SELENOI: variants seen among roughly 807,000 people sequenced by gnomAD.
SELENOI encodes the protein ethanolaminephosphotransferase 1.
Under a neutral mutation model 50.7 loss-of-function variants are expected in SELENOI, and 24 were observed. The observed-to-expected ratio is 0.47, with a 90% CI of 0.34 to 0.67. The LOEUF (loss-of-function observed/expected upper bound fraction) is 0.67. SELENOI is among the 30% of genes least tolerant of loss of function. The pLI, the probability that SELENOI is intolerant of heterozygous loss-of-function variation, is 0.01. For synonymous variants in SELENOI, 155 were observed against 170.2 expected (o/e 0.91, Z 0.70); for missense variants, 352 against 461.4 (o/e 0.76, Z 2.17).
In SELENOI at chr2:26,367,173, G is replaced by C; in HGVS notation, c.263G>C (p.Trp88Ser). The C allele has an allele frequency of 6.2e-7, 1 of 1,611,066 alleles. No individual in the cohort carries two copies. Among genetic ancestry groups the C allele is most frequent in the South Asian group, 1.1e-5 (1 of 90,228 alleles). ...CCAGGTCACAAGCACGTGCCTGACT[G>C]GGTTTGGATTGTAGTGGGCATCCTC... is the stretch of plus-strand genomic sequence containing the variant. Reference protein sequence around the residue: ...SAPGHKHVPDWVWIVVGILNF... With the variant: ...SAPGHKHVPDSVWIVVGILNF... Residue 88 changes from tryptophan (W) to serine (S), a missense_variant, in exon 4 of 10, where the codon TGG (tryptophan) becomes TCG (serine). Trp to Ser is a radical substitution (Grantham distance 177). Transcript: ENST00000260585.
chr2:26,347,267 C>A (rs1419248599), intron 1 of SELENOI, among the ~76,000 whole-genome samples: 1 of 152,210 alleles, frequency 6.6e-6, no homozygotes, highest in Non-Finnish European at 1.5e-5. Flanking sequence ...TATGGAATTG[C>A]TGCTTTAGCG....
intron 4 of SELENOI, among the ~76,000 whole-genome samples, chr2:26,369,582 C>A (rs548467128): frequency 4.2e-4 from 64 of 152,294 alleles, no homozygotes; most frequent in Admixed American, 2.0e-3. Flanking sequence ...TACTGCATTT[C>A]ATCTCAGGCC....
chr2:26,387,215 A>G (rs1677860822), intron 9 of SELENOI, among the ~76,000 whole-genome samples: 2 of 152,244 alleles, frequency 1.3e-5, no homozygotes, highest in African/African-American at 2.4e-5. Flanking sequence ...ATGGACGAAT[A>G]TAGATATAAT....
chr2:26,348,536 G>A (rs907816620), intron 1 of SELENOI, among the ~76,000 whole-genome samples: 10 of 152,214 alleles, frequency 6.6e-5, no homozygotes, highest in African/African-American at 2.4e-4. Flanking sequence ...TTTTGGTATG[G>A]AAGAGCGTGG....
rs1205753385 is a variant in SELENOI, at chr2:26,391,784, T to C, written c.*2681T>C. On this transcript the variant is annotated 3_prime_UTR_variant, in exon 10 of 10. Transcript: ENST00000260585. ...TTGAGGGGGGCATGGGATAAAAAGATTTAATAATACCTGGATAGAGAATGC... is the reference window on the plus strand; with the variant it reads ...TTGAGGGGGGCATGGGATAAAAAGACTTAATAATACCTGGATAGAGAATGC... The C allele has an allele frequency of 6.6e-6, 1 of 152,210 alleles. No homozygotes were observed. The highest frequency in any genetic ancestry group is 1.9e-4 in the East Asian group (1 of 5,202). 9.4% of individuals were successfully genotyped at this position (152,210 alleles called of 1,614,324 possible).
At chr2:26,384,869 G>A in intron 7 of SELENOI, 90 bp from the exon 8 acceptor site, 1 of 863,492 alleles carries the variant, frequency 1.2e-6, no homozygotes. Context: ...TAAAATAAGT[G>A]TATAAATAAG....
At chr2:26,358,173 CGGG>C (rs1240847952) in intron 1 of SELENOI, among the ~76,000 whole-genome samples, 7 of 152,126 alleles carry the variant, frequency 4.6e-5, no homozygotes, top group Non-Finnish European at 1.0e-4. Context: ...GAGCCCAAGA[CGGG>C]AGGATCTCTT....
At chr2:26,348,277 T>G (rs1380975096) in intron 1 of SELENOI, among the ~76,000 whole-genome samples, 1 of 152,268 alleles carries the variant, frequency 6.6e-6, no homozygotes, top group East Asian at 1.9e-4. Context: ...GGGTAAAGAT[T>G]GAAAACACTC....
intron 6 of SELENOI, among the ~76,000 whole-genome samples, chr2:26,376,237 G>A (rs1464860839): frequency 2.0e-5 from 3 of 152,174 alleles, no homozygotes; most frequent in Non-Finnish European, 4.4e-5. Context: ...AGTGGTTTGG[G>A]CTTTTTTCTG....
At chr2:26,387,688 C>T (rs1677875006) in intron 9 of SELENOI, among the ~76,000 whole-genome samples, 3 of 83,190 alleles carry the variant, frequency 3.6e-5, no homozygotes, top group South Asian at 1.1e-3. Context: ...AAAGTGAGAC[C>T]CTGTCTCAAA....
chr2:26,364,472 A>AT lies in SELENOI; in HGVS notation c.126+105dup, dbSNP rs1478081386. On this transcript the variant is annotated intron_variant, in intron 2 of 9. Transcript: ENST00000260585. ...AATGCAACTCTCAGTTTCATAAGAT[A>AT]TTTAGAGAAACCACCCTTCCCCAAT... is the stretch of plus-strand genomic sequence containing the variant. The AT allele has an allele frequency of 1.0e-5, 8 of 762,438 alleles. No homozygotes were observed. In the Admixed American group the frequency reaches 1.9e-4, roughly 18 times the overall value. The allele number at this position is 762,438 out of a possible 1,614,324, so 47.2% of individuals were successfully genotyped here.
At chr2:26,349,526 G>A (rs559368670) in intron 1 of SELENOI, among the ~76,000 whole-genome samples, 4 of 151,988 alleles carry the variant, frequency 2.6e-5, no homozygotes, top group South Asian at 2.1e-4. Flanking sequence ...GGCTGGTCTC[G>A]AACTCCTGAC....
intron 8 of SELENOI, among the ~76,000 whole-genome samples, chr2:26,385,985 G>A (rs1445834770): frequency 6.6e-6 from 1 of 152,132 alleles, no homozygotes; most frequent in African/African-American, 2.4e-5. Flanking sequence ...TTGCCATAAA[G>A]AAACTTAATT....
At chr2:26,374,498 A>G (rs1402903799) in intron 5 of SELENOI, among the ~76,000 whole-genome samples, 1 of 152,186 alleles carries the variant, frequency 6.6e-6, no homozygotes. Context: ...AAGTGCTCCA[A>G]ATGATGGCCA....
rs1357835750 is a variant in SELENOI at position 26,348,027 on chromosome 2, T to TG, written c.57+1742dup. ...CATTTTAGTTATAATGAGGCTTCCT[T>TG]GGGGAAAAAAAAGCACACATTTATA... is the stretch of plus-strand genomic sequence containing the variant. On this transcript the variant is annotated intron_variant, in intron 1 of 9. Coordinates refer to ENST00000260585, the MANE Select transcript of SELENOI (RefSeq NM_033505.4). Among the ~76,000 whole-genome samples, 10 of 152,240 alleles carry TG rather than the reference T, an allele frequency of 6.6e-5. No homozygotes were observed. In the South Asian group the frequency reaches 2.1e-3, roughly 32 times the overall value.
intron 8 of SELENOI, among the ~76,000 whole-genome samples, chr2:26,385,591 T>C (rs1360060126): frequency 6.6e-6 from 1 of 152,196 alleles, no homozygotes; most frequent in Non-Finnish European, 1.5e-5. Flanking sequence ...TTGTAATAAA[T>C]AGAACATATT....
intron 1 of SELENOI, among the ~76,000 whole-genome samples, chr2:26,352,057 T>C (rs1183442895): frequency 6.6e-6 from 1 of 152,090 alleles, no homozygotes; most frequent in Non-Finnish European, 1.5e-5. Flanking sequence ...GGAGGATTGC[T>C]GAAGCCTGGG....
intron 6 of SELENOI, among the ~76,000 whole-genome samples, chr2:26,380,780 C>G (rs149396785): frequency 3.3e-4 from 50 of 152,216 alleles, no homozygotes; most frequent in African/African-American, 1.2e-3. Flanking sequence ...ACAGTTTTAC[C>G]AACATAGTAT....
Position 26,389,276 on chromosome 2 carries a change from T to TA in SELENOI, c.*175dup, listed in dbSNP as rs771371268. Reference sequence around the variant, plus strand: ...TGGGAAATTTTGGACCTACTAACTCTAAGCCTATTTTATTTTTTATAAAAC... The same window carrying TA: ...TGGGAAATTTTGGACCTACTAACTCTAAAGCCTATTTTATTTTTTATAAAAC... On this transcript the variant is annotated 3_prime_UTR_variant, in exon 10 of 10. Coordinates refer to ENST00000260585, the MANE Select transcript of SELENOI (RefSeq NM_033505.4). 9.9e-5 allele frequency: 54 copies of TA among 543,292 alleles called. No individual in the cohort carries two copies. Among genetic ancestry groups the TA allele is most frequent in the Non-Finnish European group, 1.7e-4 (53 of 305,584 alleles). The allele number at this position is 543,292 out of a possible 1,614,324, so 33.7% of individuals were successfully genotyped here. A position where few individuals can be genotyped will look rare whatever the true frequency, so the allele number is the denominator to read the frequency against.
Sources: allele counts gnomAD v4.1 joint callset (sites outside exome capture counted in the v4.1 genomes callset), GRCh38; gene constraint gnomAD v4.1.1; transcripts MANE v1.5; gene names NCBI Gene and HGNC (gene_info 2026-07-23, HGNC 2026-07-21).